The following STRN variants were observed in gnomAD, a reference collection of about 807,000 sequenced individuals.
The protein encoded by STRN is striatin.
STRN carries 53 observed loss-of-function variants against 96.3 expected under a neutral mutation model. The observed-to-expected ratio is 0.55, with a 90% CI of 0.44 to 0.69. The LOEUF (loss-of-function observed/expected upper bound fraction) is 0.69. Among genes scored for constraint, STRN ranks in the 30% least tolerant of loss-of-function variants. The pLI, the probability that STRN is intolerant of heterozygous loss-of-function variation, is 0.00. For missense variants in STRN, 987 were observed against 963.9 expected, an observed-to-expected ratio of 1.02 and a Z score of -0.32; for synonymous variants, 428 against 355.9, an observed-to-expected ratio of 1.20 and a Z score of -2.28.
chr2:36,913,664 G>C (rs983663872), intron 3 of STRN, among the ~76,000 whole-genome samples: 1 of 152,072 alleles, frequency 6.6e-6, no homozygotes, highest in Non-Finnish European at 1.5e-5. Flanking sequence ...TTATTCACTG[G>C]ATTTGGTACT....
intron 1 of STRN, among the ~76,000 whole-genome samples, chr2:36,939,935 C>T (rs916726852): frequency 6.6e-6 from 1 of 152,196 alleles, no homozygotes; most frequent in African/African-American, 2.4e-5. Flanking sequence ...CACATTCTAA[C>T]CAATATACTG....
rs772957401 is a variant in STRN, at chr2:36,883,927, C to G, written c.1186+5G>C. The G allele has an allele frequency of 2.9e-6, 4 of 1,359,956 alleles. No homozygotes were observed. In the South Asian group the frequency reaches 7.4e-5, roughly 25 times the overall value. 84.2% of individuals were successfully genotyped at this position (1,359,956 alleles called of 1,614,324 possible). On this transcript the variant is annotated splice_donor_5th_base_variant and intron_variant, in intron 9 of 17. Transcript: ENST00000263918. ...TTTGTGCTCCAGAGTATCTTAAATA[C>G]TTACCTTCATCTGCCCTATTAATTT...
intron 1 of STRN, among the ~76,000 whole-genome samples, chr2:36,941,269 T>C (rs1437244509): frequency 6.6e-6 from 1 of 152,204 alleles, no homozygotes; most frequent in East Asian, 1.9e-4. Context: ...GCAATGCAAA[T>C]TAGTTCAATC....
intron 13 of STRN, among the ~76,000 whole-genome samples, chr2:36,858,410 C>A (rs1289110066): frequency 6.6e-6 from 1 of 152,178 alleles, no homozygotes. Context: ...GGTCCTCTCC[C>A]TCTCTGAAGT....
intron 12 of STRN, among the ~76,000 whole-genome samples, chr2:36,862,798 G>A (rs543528756): frequency 2.0e-5 from 3 of 151,596 alleles, no homozygotes; most frequent in Non-Finnish European, 4.4e-5. Context: ...GCAGTGGCGC[G>A]ATCTTGGCTC....
At position 36,846,959 on chromosome 2, in the gene STRN, T is replaced by C. The variant is rs566545002; in HGVS notation, c.*2497A>G. 6.6e-6 allele frequency: 1 copy of C among 152,310 alleles called. No individual in the cohort carries two copies. Among genetic ancestry groups the C allele is most frequent in the African/African-American group, 2.4e-5 (1 of 41,578 alleles). The allele number at this position is 152,310 out of a possible 1,614,324, so 9.4% of individuals were successfully genotyped here. A position where few individuals can be genotyped will look rare whatever the true frequency, so the allele number is the denominator to read the frequency against. ...CACTATGAAAGCATTTCAATGGCTG[T>C]TTAAACATTGAATTTGTTCATTCTG... is the stretch of plus-strand genomic sequence containing the variant. On this transcript the variant is annotated 3_prime_UTR_variant, in exon 18 of 18. Coordinates refer to ENST00000263918, the MANE Select transcript of STRN (RefSeq NM_003162.4).
At chr2:36,957,753 T>G (rs1363595400) in intron 1 of STRN, among the ~76,000 whole-genome samples, 1 of 95,876 alleles carries the variant, frequency 1.0e-5, no homozygotes, top group Non-Finnish European at 2.2e-5. Context: ...TCTTTTTTTT[T>G]TTTTTTTTTT....
intron 1 of STRN, among the ~76,000 whole-genome samples, chr2:36,927,693 A>G (rs1670451571): frequency 6.6e-6 from 1 of 152,146 alleles, no homozygotes. Flanking sequence ...ATAAAGTACA[A>G]TCAGATTTCT....
chr2:36,872,436 C>A (rs973692028), intron 10 of STRN, among the ~76,000 whole-genome samples: 1 of 152,236 alleles, frequency 6.6e-6, no homozygotes, highest in Non-Finnish European at 1.5e-5. Flanking sequence ...CTCTGGCCAA[C>A]ATCTTGATTG....
chr2:36,893,054 T>G (rs185456059), intron 7 of STRN, among the ~76,000 whole-genome samples: 2 of 148,962 alleles, frequency 1.3e-5, no homozygotes, highest in Non-Finnish European at 3.0e-5. Context: ...GGTGACAGAG[T>G]GAGACTCGGT....
rs183531335 is a variant in STRN, at chr2:36,849,582, C to A, written c.2217G>T (p.Thr739=). The change falls in exon 18 of 18, where the codon ACG becomes ACT. Residue 739 remains threonine, a synonymous_variant. Transcript: ENST00000263918. ...GATGAGCTGTGAATTCTTGGATACA[C>A]GTCTTACTTTCTAGATTCCATAAAC... The part of the protein sequence containing the change: ...SIRLWNLESK[T]CIQEFTAHRK... 3 of 1,614,016 alleles carry A rather than the reference C, an allele frequency of 1.9e-6. No individual in the cohort carries two copies. Among genetic ancestry groups the A allele is most frequent in the East Asian group, 2.2e-5 (1 of 44,874 alleles).
At chr2:36,923,703 T>G (rs535469335) in intron 2 of STRN, among the ~76,000 whole-genome samples, 73 of 152,268 alleles carry the variant, frequency 4.8e-4, no homozygotes, top group African/African-American at 1.2e-3. Context: ...TCTAATTGCA[T>G]CTAAATGCTA....
intron 13 of STRN, 145 bp from the exon 14 acceptor site, chr2:36,858,168 T>A: frequency 5.5e-6 from 3 of 547,286 alleles, no homozygotes; most frequent in Non-Finnish European, 8.6e-6. Flanking sequence ...TCTGACAGGC[T>A]ACAGTAAATC....
In STRN at chr2:36,862,586, T is replaced by C. The variant is rs1180846050; in HGVS notation, c.1548-1333A>G. 2.6e-5 allele frequency among the ~76,000 whole-genome samples: 4 copies of C among 152,166 alleles called. No individual in the cohort carries two copies. In the East Asian group the frequency reaches 7.7e-4, roughly 29 times the overall value. On this transcript the variant is annotated intron_variant, in intron 12 of 17. Coordinates refer to ENST00000263918, the MANE Select transcript of STRN (RefSeq NM_003162.4). ...CTGTTCATGTTCTTTGCCCACTTTT[T>C]AATGGGGTTGTTTTTTGCTTGTTAA...
At chr2:36,856,344 T>C (rs903732742) in intron 14 of STRN, among the ~76,000 whole-genome samples, 1 of 152,178 alleles carries the variant, frequency 6.6e-6, no homozygotes, top group Non-Finnish European at 1.5e-5. Flanking sequence ...TGAAAATATA[T>C]GAATGTTCAT....
rs937632565 is a variant in STRN at position 36,845,840 on chromosome 2, A to G, written c.*3616T>C. On this transcript the variant is annotated 3_prime_UTR_variant, in exon 18 of 18. Transcript: ENST00000263918. ...TCCTAGAAGTTGAGCAGATACATTA[A>G]AAAGACATTGATGGTCACAAATCAG... The G allele has an allele frequency of 3.3e-5, 5 of 150,348 alleles. No individual in the cohort carries two copies. Among genetic ancestry groups the G allele is most frequent in the Non-Finnish European group, 5.9e-5 (4 of 67,660 alleles). 9.3% of individuals were successfully genotyped at this position (150,348 alleles called of 1,614,324 possible).
chr2:36,949,793 A>G (rs1392547336), intron 1 of STRN, among the ~76,000 whole-genome samples: 1 of 152,228 alleles, frequency 6.6e-6, no homozygotes, highest in African/African-American at 2.4e-5. Context: ...TAGGTCATCC[A>G]GGTGAAGACA....
intron 2 of STRN, among the ~76,000 whole-genome samples, chr2:36,918,200 T>C (rs887978390): frequency 3.3e-5 from 5 of 152,182 alleles, no homozygotes; most frequent in African/African-American, 1.2e-4. Context: ...TAGTTCAATG[T>C]ATTTGTAATA....
At chr2:36,949,286 T>A (rs1172617685) in intron 1 of STRN, among the ~76,000 whole-genome samples, 2 of 152,238 alleles carry the variant, frequency 1.3e-5, no homozygotes, top group East Asian at 3.8e-4. Context: ...TGAAATTGTC[T>A]CGTTAGGTAT....
Sources: gnomAD v4.1 joint callset for allele counts (sites outside exome capture counted in the v4.1 genomes callset) on GRCh38, gnomAD v4.1.1 for gene constraint, MANE v1.5 for transcripts, NCBI Gene and HGNC (gene_info 2026-07-23, HGNC 2026-07-21) for gene names.